The following DMD variants were observed in gnomAD, a reference collection of about 807,000 sequenced individuals.
DMD encodes the protein dystrophin, also known as mutant dystrophin.
In DMD, 63 loss-of-function variants were observed where a neutral mutation model predicts 330.1. The observed-to-expected ratio is 0.19, with a 90% confidence interval of 0.16 to 0.24. The LOEUF (loss-of-function observed/expected upper bound fraction) is 0.24. DMD is among the 10% of genes least tolerant of loss of function. DMD has a pLI of 1.00. For missense variants in DMD, 3,344 were observed against 2,684.1 expected (o/e 1.25, Z -5.43); for synonymous variants, 1,223 against 959.8 (o/e 1.27, Z -5.07).
chrX:31,421,962 CATATATATAT>C (rs759770005), intron 60 of DMD, among the ~76,000 whole-genome samples: 6 of 63,921 alleles, frequency 9.4e-5, no homozygotes, highest in African/African-American at 4.4e-4. Flanking sequence ...TATATATACA[CATATATATAT>C]ACACATATAT....
At chrX:31,622,844 TTTTATATATATATATATA>T (rs1282723171) in intron 55 of DMD, among the ~76,000 whole-genome samples, 1 of 54,562 alleles carries the variant, frequency 1.8e-5, no homozygotes, top group East Asian at 6.8e-4. Flanking sequence ...CTCAGAAAAA[TTTTATATATATATATATA>T]TATATATATA....
chrX:32,400,685 G>T (rs1349456500), intron 30 of DMD, among the ~76,000 whole-genome samples: 1 of 109,387 alleles, frequency 9.1e-6, no homozygotes, highest in Non-Finnish European at 1.9e-5. Context: ...GAAACAACAG[G>T]TGCTGGAGAG....
intron 29 of DMD, among the ~76,000 whole-genome samples, chrX:32,418,681 T>A (rs1427741765): frequency 9.0e-6 from 1 of 111,209 alleles, no homozygotes; most frequent in Non-Finnish European, 1.9e-5. Context: ...AAGAATGTTC[T>A]ATTTGTCTCA....
chrX:32,919,992 T>C (rs1185249741), intron 2 of DMD, among the ~76,000 whole-genome samples: 1 of 111,369 alleles, frequency 9.0e-6, no homozygotes, highest in Non-Finnish European at 1.9e-5. Flanking sequence ...AAGCAGTACA[T>C]ATGCAAAAAG....
intron 7 of DMD, among the ~76,000 whole-genome samples, chrX:32,787,556 GT>G (rs1569521725): frequency 9.0e-6 from 1 of 110,663 alleles, no homozygotes. Context: ...TATATATACT[GT>G]TTTTCCCATA....
intron 35 of DMD, 144 bp from the exon 36 acceptor site, chrX:32,364,854 G>A (rs964184238): frequency 1.4e-4 from 105 of 746,174 alleles, no homozygotes; most frequent in East Asian, 2.9e-4. Context: ...AGAATATTGC[G>A]TAAATATAAA....
At position 32,767,787 on chromosome X, in the gene DMD, A is replaced by T. The variant is rs145524098; in HGVS notation, c.649+41706T>A. Among the ~76,000 whole-genome samples the T allele has an allele frequency of 6.6e-3, 744 of 112,091 alleles. 7 individuals carry two copies. Among genetic ancestry groups the T allele is most frequent in the African/African-American group, 0.022 (670 of 30,951 alleles). On this transcript the variant is annotated intron_variant, in intron 7 of 78. Transcript: ENST00000357033. ...CAAGAACCGATGCTTTCAAAAATACATTAATTCAGACCTCAACACCAATTA... is the reference window on the plus strand; with the variant it reads ...CAAGAACCGATGCTTTCAAAAATACTTTAATTCAGACCTCAACACCAATTA...
intron 17 of DMD, among the ~76,000 whole-genome samples, chrX:32,524,275 G>C (rs985268033): frequency 9.0e-6 from 1 of 111,687 alleles, no homozygotes; most frequent in Non-Finnish European, 1.9e-5. Context: ...GTATTTTCCT[G>C]AAAAAGGCAA....
At chrX:31,537,257 G>C (rs962811330) in intron 55 of DMD, among the ~76,000 whole-genome samples, 2 of 111,543 alleles carry the variant, frequency 1.8e-5, no homozygotes, top group African/African-American at 6.5e-5. Context: ...CTTGGATTCT[G>C]TGACATCACA....
chrX:32,577,741 A>G (rs888948893), intron 13 of DMD, among the ~76,000 whole-genome samples: 14 of 112,323 alleles, frequency 1.2e-4, no homozygotes, highest in African/African-American at 4.2e-4. Context: ...AACATATTCT[A>G]TTGCTTAAAC....
chrX:33,083,813 G>T (rs957071960), intron 1 of DMD, among the ~76,000 whole-genome samples: 1 of 111,310 alleles, frequency 9.0e-6, no homozygotes, highest in Admixed American at 9.5e-5. Flanking sequence ...TAGAAAGAGC[G>T]AACTGAGACC....
At chrX:32,623,960 T>A (rs1265801249) in intron 11 of DMD, among the ~76,000 whole-genome samples, 2 of 112,141 alleles carry the variant, frequency 1.8e-5, no homozygotes, top group African/African-American at 6.5e-5. Flanking sequence ...GGCAAAATAT[T>A]GTATTAGATC....
chrX:32,136,474 G>GCA (rs2096725409), intron 44 of DMD, among the ~76,000 whole-genome samples: 1 of 111,951 alleles, frequency 8.9e-6, no homozygotes, highest in Admixed American at 9.5e-5. Context: ...TCCATTCCTG[G>GCA]CAGCCGAAGT....
chrX:31,696,906 T>C (rs1005263907), intron 52 of DMD, among the ~76,000 whole-genome samples: 1 of 112,365 alleles, frequency 8.9e-6, no homozygotes, highest in African/African-American at 3.2e-5. Flanking sequence ...TATTCTGCTA[T>C]TTAATAAAAG....
intron 7 of DMD, among the ~76,000 whole-genome samples, chrX:32,700,137 T>C (rs2063983920): frequency 8.9e-6 from 1 of 111,951 alleles, no homozygotes; most frequent in East Asian, 2.8e-4. Flanking sequence ...AACCAAGATG[T>C]AAAGTAATCC....
chrX:32,168,444 T>A (rs921773307), intron 44 of DMD, among the ~76,000 whole-genome samples: 8 of 108,376 alleles, frequency 7.4e-5, no homozygotes, highest in African/African-American at 2.7e-4. Flanking sequence ...ATGTTAAGAA[T>A]GACCCATCTT....
intron 60 of DMD, among the ~76,000 whole-genome samples, chrX:31,400,423 T>C (rs780770706): frequency 2.9e-4 from 32 of 111,522 alleles, no homozygotes; most frequent in Admixed American, 5.7e-4. Flanking sequence ...TAAATATATA[T>C]AAAACCAAGC....
chrX:32,370,689 A>C (rs1250231777), intron 34 of DMD, among the ~76,000 whole-genome samples: 1 of 108,212 alleles, frequency 9.2e-6, no homozygotes, highest in Non-Finnish European at 1.9e-5. Context: ...GCTCACTTTA[A>C]AAAAAAAAGA....
chrX:31,808,920 T>C (rs1242193526), intron 50 of DMD, among the ~76,000 whole-genome samples: 1 of 110,716 alleles, frequency 9.0e-6, no homozygotes, highest in Non-Finnish European at 1.9e-5. Context: ...AAGAAACAAT[T>C]CCCATTCACT....
Sources: allele counts gnomAD v4.1 joint callset (sites outside exome capture counted in the v4.1 genomes callset), GRCh38; gene constraint gnomAD v4.1.1; transcripts MANE v1.5; gene names NCBI Gene and HGNC (gene_info 2026-07-23, HGNC 2026-07-21).